SLC35F2: variants seen among roughly 807,000 people sequenced by gnomAD.
SLC35F2 encodes the protein queuine/queuosine transporter SLC35F2.
SLC35F2 carries 25 observed loss-of-function variants against 38.1 expected under a neutral mutation model. That is an observed-to-expected ratio of 0.66 (90% CI 0.48 to 0.92). The LOEUF (loss-of-function observed/expected upper bound fraction) is 0.92. Ranked by LOEUF, SLC35F2 falls within the 40% of genes least tolerant of loss-of-function variation. The pLI is 0.00. For missense variants in SLC35F2, 409 were observed against 452.9 expected, an observed-to-expected ratio of 0.90 and a Z score of 0.88; for synonymous variants, 173 against 181.7, an observed-to-expected ratio of 0.95 and a Z score of 0.38.
chr11:107,818,126 AAG>A (rs1172962108), intron 1 of SLC35F2, among the ~76,000 whole-genome samples: 1 of 148,856 alleles, frequency 6.7e-6, no homozygotes, highest in African/African-American at 2.5e-5. Flanking sequence ...GAAAGAAAGA[AAG>A]AAAGAAAAAG....
intron 4 of SLC35F2, 47 bp from the exon 5 acceptor site, chr11:107,805,562 A>G (rs1859377763): frequency 1.9e-6 from 3 of 1,584,546 alleles, no homozygotes; most frequent in African/African-American, 1.3e-5. Context: ...CAACAGATGA[A>G]CCTCCACAGC....
At chr11:107,853,026 G>A (rs1424575228) in intron 1 of SLC35F2, among the ~76,000 whole-genome samples, 1 of 152,026 alleles carries the variant, frequency 6.6e-6, no homozygotes, top group Non-Finnish European at 1.5e-5. Flanking sequence ...ACAAAGTAAT[G>A]TGGGTGTAGA....
At chr11:107,844,702 C>T (rs1369014129) in intron 1 of SLC35F2, among the ~76,000 whole-genome samples, 1 of 151,608 alleles carries the variant, frequency 6.6e-6, no homozygotes, top group East Asian at 1.9e-4. Flanking sequence ...AGGCCGGGCG[C>T]GGTGGCTCAC....
chr11:107,853,385 A>G (rs927326238), intron 1 of SLC35F2, among the ~76,000 whole-genome samples: 2 of 152,188 alleles, frequency 1.3e-5, no homozygotes, highest in African/African-American at 4.8e-5. Flanking sequence ...GACAAGTCTG[A>G]AGCCTAGAAC....
chr11:107,806,237 C>A (rs922605630), intron 4 of SLC35F2, among the ~76,000 whole-genome samples: 1 of 152,120 alleles, frequency 6.6e-6, no homozygotes, highest in Non-Finnish European at 1.5e-5. Context: ...CATGACATGA[C>A]AAATTAATGG....
At chr11:107,814,702 C>T (rs1859538938) in intron 2 of SLC35F2, among the ~76,000 whole-genome samples, 1 of 152,170 alleles carries the variant, frequency 6.6e-6, no homozygotes, top group African/African-American at 2.4e-5. Flanking sequence ...GTGGCTCACA[C>T]CTGTAATCTC....
intron 1 of SLC35F2, among the ~76,000 whole-genome samples, chr11:107,831,264 TTAAAAA>T (rs1304332484): frequency 6.6e-6 from 1 of 152,218 alleles, no homozygotes. Flanking sequence ...AGCATTCAAC[TTAAAAA>T]TAAAAGTGTA....
At chr11:107,835,945 C>G (rs925891285) in intron 1 of SLC35F2, among the ~76,000 whole-genome samples, 1 of 152,096 alleles carries the variant, frequency 6.6e-6, no homozygotes, top group Non-Finnish European at 1.5e-5. Flanking sequence ...TTCATAAGGT[C>G]TTGACTTGAA....
chr11:107,842,257 CAA>C (rs541185009), intron 1 of SLC35F2, among the ~76,000 whole-genome samples: 48 of 37,874 alleles, frequency 1.3e-3, no homozygotes, highest in African/African-American at 2.1e-3. Flanking sequence ...CTCCGTCTCA[CAA>C]AAAAAAAAAA....
In SLC35F2 at chr11:107,803,077, G is replaced by A; in HGVS notation, c.863C>T (p.Ala288Val). The change falls in exon 7 of 8, where the codon GCC becomes GTC. Residue 288 changes from alanine (A) to valine (V), a missense_variant. Transcript: ENST00000525815. The stretch of plus-strand genomic sequence containing the variant: ...CAGGATGCCCAGGTTGACGGAAGTG[G>A]CACTAGTGACTTTAATCACCAATGG... ...FMPLVIKVTS[A>V]TSVNLGILTA... 1 of 1,613,936 alleles carries A rather than the reference G, an allele frequency of 6.2e-7. No individual in the cohort carries two copies. Among genetic ancestry groups the A allele is most frequent in the Non-Finnish European group, 8.5e-7 (1 of 1,179,924 alleles).
At chr11:107,825,893 AAAT>A (rs1384207789) in intron 1 of SLC35F2, among the ~76,000 whole-genome samples, 6 of 152,158 alleles carry the variant, frequency 3.9e-5, no homozygotes, top group Non-Finnish European at 7.4e-5. Context: ...TAAAAGCGTA[AAAT>A]AATAAATCTC....
At chr11:107,833,322 C>T (rs1270414933) in intron 1 of SLC35F2, among the ~76,000 whole-genome samples, 1 of 151,900 alleles carries the variant, frequency 6.6e-6, no homozygotes, top group African/African-American at 2.4e-5. Flanking sequence ...GAGATCAAGA[C>T]CATCCTGGCC....
chr11:107,799,660 G>A (rs961430505), intron 7 of SLC35F2, among the ~76,000 whole-genome samples: 4 of 151,926 alleles, frequency 2.6e-5, no homozygotes, highest in Admixed American at 1.3e-4. Flanking sequence ...GCATGATCTC[G>A]GCTCACTGCA....
At chr11:107,848,483 G>A (rs542138591) in intron 1 of SLC35F2, among the ~76,000 whole-genome samples, 3 of 152,242 alleles carry the variant, frequency 2.0e-5, no homozygotes, top group African/African-American at 4.8e-5. Context: ...AGATGATAAG[G>A]TCATGAAGGT....
intron 7 of SLC35F2, among the ~76,000 whole-genome samples, chr11:107,795,705 A>C (rs1859206480): frequency 6.6e-6 from 1 of 152,240 alleles, no homozygotes; most frequent in South Asian, 2.1e-4. Context: ...GCCAACAGGT[A>C]TATGAAAAAA....
chr11:107,805,315 A>G lies in SLC35F2; in HGVS notation c.731+44T>C, dbSNP rs367755820. The G allele has an allele frequency of 1.9e-4, 299 of 1,550,088 alleles. 1 individual carries two copies. In the South Asian group the frequency reaches 2.1e-3, roughly 11 times the overall value. On this transcript the variant is annotated intron_variant, in intron 5 of 7. Coordinates refer to ENST00000525815, the MANE Select transcript of SLC35F2 (RefSeq NM_017515.5). ...AATATTAGTAGTTATCATCTATAATATATTTGCTTATTTTGTCTTTAGAAA... is the reference window on the plus strand; with the variant it reads ...AATATTAGTAGTTATCATCTATAATGTATTTGCTTATTTTGTCTTTAGAAA...
intron 1 of SLC35F2, among the ~76,000 whole-genome samples, chr11:107,843,666 G>A (rs1046831854): frequency 2.6e-5 from 4 of 151,282 alleles, no homozygotes; most frequent in African/African-American, 9.7e-5. Context: ...ATCAGCCTGG[G>A]CAAAATAGCA....
At chr11:107,855,689 A>C (rs1443055614) in intron 1 of SLC35F2, among the ~76,000 whole-genome samples, 4 of 151,916 alleles carry the variant, frequency 2.6e-5, no homozygotes, top group Admixed American at 6.6e-5. Flanking sequence ...TTCCACAAGA[A>C]AGGAAAAAGC....
At chr11:107,835,467 G>A (rs1220651129) in intron 1 of SLC35F2, among the ~76,000 whole-genome samples, 2 of 151,674 alleles carry the variant, frequency 1.3e-5, no homozygotes, top group African/African-American at 4.9e-5. Flanking sequence ...ACAGGGTCAG[G>A]TTTCTGTCGC....
Sources: gnomAD v4.1 joint callset for allele counts (sites outside exome capture counted in the v4.1 genomes callset) on GRCh38, gnomAD v4.1.1 for gene constraint, MANE v1.5 for transcripts, NCBI Gene and HGNC (gene_info 2026-07-23, HGNC 2026-07-21) for gene names.